The following MZT2A variants were observed in gnomAD, a reference collection of about 807,000 sequenced individuals.
MZT2A encodes the protein mitotic-spindle organizing protein 2A.
Under a neutral mutation model 12.4 loss-of-function variants are expected in MZT2A, and 8 were observed. That is an observed-to-expected ratio of 0.64 (90% confidence interval 0.38 to 1.16). MZT2A has a LOEUF of 1.16. Among genes scored for constraint, MZT2A ranks in the 50% most tolerant of loss-of-function variants. The pLI is 0.01. For missense variants in MZT2A, 181 were observed against 223.6 expected (o/e 0.81, Z 1.22); for synonymous variants, 88 against 107.5 (o/e 0.82, Z 1.12).
intron 2 of MZT2A, chr2:131,491,225 T>G: frequency 4.9e-6 from 2 of 410,862 alleles, no homozygotes; most frequent in South Asian, 4.5e-5. Context: ...CAGCATCTCC[T>G]CAGCCCAGTC....
At chr2:131,474,183 C>T (rs1168737528) in intron 2 of MZT2A, among the ~76,000 whole-genome samples, 1 of 151,448 alleles carries the variant, frequency 6.6e-6, no homozygotes, top group Admixed American at 6.6e-5. Context: ...CTGCAAGCTC[C>T]ACCTCCCGGG....
At chr2:131,471,033 T>G (rs1704971731) in intron 3 of MZT2A, among the ~76,000 whole-genome samples, 1 of 139,496 alleles carries the variant, frequency 7.2e-6, no homozygotes, top group South Asian at 2.1e-4. Flanking sequence ...GACCCTGACC[T>G]CCCTGCAGCT....
At chr2:131,492,931 C>T, upstream of MZT2A, 2 of 1,524,142 alleles carry the variant, frequency 1.3e-6, no homozygotes, top group South Asian at 1.2e-5. Context: ...CCCCCGCACT[C>T]CTGCCTCGCC....
At position 131,484,187 on chromosome 2, in the gene MZT2A, TC is replaced by T; in HGVS notation, c.350del (p.Gly117GlufsTer?). The T allele has an allele frequency of 6.2e-7, 1 of 1,613,790 alleles. No individual in the cohort carries two copies. The highest frequency in any genetic ancestry group is 1.1e-5 in the South Asian group (1 of 91,058). On this transcript the variant is annotated frameshift_variant, in exon 3 of 3. Transcript: ENST00000309451. LOFTEE classifies it high-confidence loss of function. ...GRDKGSAALG[G>X]VLALAERSNH... ...TGCTGCGTTCCGCCAGGGCCAATAC[TC>T]CCCCGAGGGCAGCGCTGCCTTTGTC...
intron 2 of MZT2A, chr2:131,476,159 A>G (rs544925601): frequency 1.2e-6 from 2 of 1,613,584 alleles, no homozygotes; most frequent in South Asian, 1.1e-5. Context: ...CAGCCGGTTG[A>G]GGTCTGGCAG....
chr2:131,481,570 G>A (rs1315561027), downstream of MZT2A, among the ~76,000 whole-genome samples: 5 of 151,924 alleles, frequency 3.3e-5, no homozygotes, highest in East Asian at 9.7e-4. Context: ...AAGTAGCTGG[G>A]ATTACAGGCA....
intron 2 of MZT2A, chr2:131,476,252 G>A: frequency 6.2e-7 from 1 of 1,613,524 alleles, no homozygotes; most frequent in Non-Finnish European, 8.5e-7. Flanking sequence ...AGACGAAGTT[G>A]GCCTCGGGTG....
intron 2 of MZT2A, chr2:131,476,096 C>A (rs554733114): frequency 1.5e-5 from 23 of 1,564,178 alleles, no homozygotes; most frequent in Non-Finnish European, 2.0e-5. Context: ...GCGGGCCAAT[C>A]CCGTGCGGCG....
At chr2:131,483,795 C>T (rs192480613), downstream of MZT2A, among the ~76,000 whole-genome samples, 82 of 152,260 alleles carry the variant, frequency 5.4e-4, 2 homozygotes, top group African/African-American at 1.9e-3. Context: ...TTATAAAAGA[C>T]CTGGCAATCC....
upstream of MZT2A, chr2:131,492,781 CGGG>C: frequency 1.3e-6 from 1 of 772,200 alleles, no homozygotes; most frequent in Non-Finnish European, 1.8e-6. Context: ...GGTCGCTCTT[CGGG>C]GGGGGTGGGG....
downstream of MZT2A, chr2:131,479,172 G>A: frequency 7.2e-7 from 1 of 1,382,012 alleles, no homozygotes; most frequent in Admixed American, 2.4e-5. Flanking sequence ...ACCAGACACT[G>A]CCACTGTTGA....
intron 2 of MZT2A, chr2:131,490,652 T>G (rs1679254452): frequency 6.5e-7 from 1 of 1,549,132 alleles, no homozygotes; most frequent in Non-Finnish European, 8.7e-7. Context: ...CTTGGGGCCA[T>G]GCAGTTTCCA....
chr2:131,492,140 G>C, intron 1 of MZT2A, 67 bp downstream of exon 1: 1 of 1,538,388 alleles, frequency 6.5e-7, no homozygotes, highest in Non-Finnish European at 8.8e-7. Context: ...CCAGCGGGCC[G>C]GGCGTACCCG....
At chr2:131,484,259 C>A in intron 2 of MZT2A, 41 bp from the exon 3 acceptor site, 1 of 1,599,328 alleles carries the variant, frequency 6.3e-7, no homozygotes, top group South Asian at 1.1e-5. Flanking sequence ...ATGGACGCGC[C>A]CCATAAATGC....
intron 2 of MZT2A, among the ~76,000 whole-genome samples, chr2:131,473,230 G>A (rs1678515758): frequency 6.6e-6 from 1 of 152,034 alleles, no homozygotes; most frequent in Non-Finnish European, 1.5e-5. Flanking sequence ...GGCTAATACA[G>A]AAGGATTCAC....
At chr2:131,490,846 G>A in intron 2 of MZT2A, 2 of 1,550,042 alleles carry the variant, frequency 1.3e-6, no homozygotes, top group South Asian at 1.2e-5. Flanking sequence ...AGGAAAACGA[G>A]GGCCTTGCAG....
chr2:131,493,227 C>T, upstream of MZT2A: 3 of 1,365,484 alleles, frequency 2.2e-6, no homozygotes, highest in Non-Finnish European at 2.8e-6. Context: ...CGTTCCTCCG[C>T]GAGCCCCAGG....
At chr2:131,488,122 T>C (rs1317502268) in intron 2 of MZT2A, among the ~76,000 whole-genome samples, 1 of 152,190 alleles carries the variant, frequency 6.6e-6, no homozygotes, top group African/African-American at 2.4e-5. Context: ...CAGCCATGTG[T>C]GGCTCGAAGT....
At position 131,476,068 on chromosome 2, in the gene MZT2A, A is replaced by G. The variant is rs1043961020; in HGVS notation, c.279-3886T>C. 2.7e-5 allele frequency: 42 copies of G among 1,536,630 alleles called. No individual in the cohort carries two copies. The African/African-American group carries it at 5.8e-4, about 21-fold the overall frequency. ...GCCCGCCTCCCAGGAACTCCGAGCC[A>G]ATGGCGGCCTGGCACCGGCGGGCCA... On this transcript the variant is annotated intron_variant and NMD_transcript_variant, in intron 2 of 4. Transcript: ENST00000427024.
Sources: allele counts gnomAD v4.1 joint callset (sites outside exome capture counted in the v4.1 genomes callset), GRCh38; gene constraint gnomAD v4.1.1; transcripts MANE v1.5; gene names NCBI Gene and HGNC (gene_info 2026-07-23, HGNC 2026-07-21).